Variants in PDZRN4 observed in about 807,000 individuals in gnomAD.
The protein encoded by PDZRN4 is PDZ domain containing ring finger 4, also known as PDZ domain-containing RING finger protein 4.
PDZRN4 carries 70 observed loss-of-function variants against 99.0 expected under a neutral mutation model. That is an observed-to-expected ratio of 0.71 (90% confidence interval 0.58 to 0.86). The LOEUF (loss-of-function observed/expected upper bound fraction) is 0.86, where lower values mean the gene tolerates loss of function less well. Among genes scored for constraint, PDZRN4 ranks in the 40% least tolerant of loss-of-function variants. PDZRN4 has a pLI of 0.00. For synonymous variants in PDZRN4, 551 were observed against 501.6 expected, an observed-to-expected ratio of 1.10 and a Z score of -1.32; for missense variants, 1,474 against 1,331.2, an observed-to-expected ratio of 1.11 and a Z score of -1.67.
At chr12:41,433,935 C>T (rs1458891471) in intron 3 of PDZRN4, among the ~76,000 whole-genome samples, 3 of 151,958 alleles carry the variant, frequency 2.0e-5, no homozygotes, top group Non-Finnish European at 4.4e-5. Flanking sequence ...GTAATGTGAC[C>T]ACCTAGGAAA....
chr12:41,509,090 T>C (rs1342152055), intron 4 of PDZRN4, among the ~76,000 whole-genome samples: 1 of 152,160 alleles, frequency 6.6e-6, no homozygotes, highest in African/African-American at 2.4e-5. Context: ...TTCCTAAAAG[T>C]TGAAATACAT....
chr12:41,242,282 GTTGA>G (rs1951106284), intron 3 of PDZRN4, among the ~76,000 whole-genome samples: 1 of 152,174 alleles, frequency 6.6e-6, no homozygotes. Context: ...TTCCAAAACA[GTTGA>G]TTGATATGCT....
chr12:41,549,316 A>G (rs1419414080), intron 5 of PDZRN4, among the ~76,000 whole-genome samples: 6 of 152,296 alleles, frequency 3.9e-5, no homozygotes, highest in Non-Finnish European at 7.4e-5. Context: ...GTGTCCTGTG[A>G]AGGGAATACT....
At chr12:41,269,794 G>A (rs1428763465) in intron 3 of PDZRN4, among the ~76,000 whole-genome samples, 2 of 152,136 alleles carry the variant, frequency 1.3e-5, no homozygotes, top group Non-Finnish European at 2.9e-5. Context: ...AAGATGGAAA[G>A]TTTAAGGATG....
chr12:41,216,595 A>G (rs1950922495), intron 3 of PDZRN4, among the ~76,000 whole-genome samples: 1 of 152,058 alleles, frequency 6.6e-6, no homozygotes, highest in Admixed American at 6.6e-5. Flanking sequence ...TCAGATCTGA[A>G]AGCCTGCATA....
intron 3 of PDZRN4, among the ~76,000 whole-genome samples, chr12:41,502,056 C>T (rs1938119830): frequency 6.6e-6 from 1 of 152,104 alleles, no homozygotes; most frequent in East Asian, 1.9e-4. Flanking sequence ...CTCTCATTGG[C>T]ATCATCCTTT....
intron 3 of PDZRN4, among the ~76,000 whole-genome samples, chr12:41,348,450 G>A (rs1459207679): frequency 6.6e-6 from 1 of 152,052 alleles, no homozygotes; most frequent in East Asian, 1.9e-4. Context: ...TAAGGCAGTG[G>A]CACCAAACTG....
chr12:41,426,497 A>G (rs1952537882), intron 3 of PDZRN4, among the ~76,000 whole-genome samples: 1 of 152,216 alleles, frequency 6.6e-6, no homozygotes, highest in Admixed American at 6.5e-5. Context: ...TGGGAAGAGT[A>G]TATCTTATTG....
At chr12:41,275,390 A>C (rs1255384455) in intron 3 of PDZRN4, among the ~76,000 whole-genome samples, 2 of 152,122 alleles carry the variant, frequency 1.3e-5, no homozygotes, top group Non-Finnish European at 2.9e-5. Flanking sequence ...TGTAAGTCCC[A>C]ATATTTTATA....
intron 3 of PDZRN4, among the ~76,000 whole-genome samples, chr12:41,320,560 A>G (rs1338218666): frequency 6.6e-6 from 1 of 152,178 alleles, no homozygotes; most frequent in Non-Finnish European, 1.5e-5. Context: ...CAGTGGACCT[A>G]TAACTGAATG....
At chr12:41,385,249 A>G (rs1952160930) in intron 3 of PDZRN4, among the ~76,000 whole-genome samples, 1 of 152,212 alleles carries the variant, frequency 6.6e-6, no homozygotes, top group Non-Finnish European at 1.5e-5. Context: ...GGAAGATCAG[A>G]AAAACAAGGC....
chr12:41,502,244 G>A (rs773805938), intron 3 of PDZRN4, among the ~76,000 whole-genome samples: 1 of 152,098 alleles, frequency 6.6e-6, no homozygotes, highest in South Asian at 2.1e-4. Flanking sequence ...TACACTAGTT[G>A]CCCGGTTACA....
chr12:41,232,606 CT>C (rs1038432215), intron 3 of PDZRN4, among the ~76,000 whole-genome samples: 1 of 150,322 alleles, frequency 6.7e-6, no homozygotes, highest in Non-Finnish European at 1.5e-5. Flanking sequence ...CAAAAATTTT[CT>C]CCCATTCTGT....
At chr12:41,244,836 C>T (rs1951124159) in intron 3 of PDZRN4, among the ~76,000 whole-genome samples, 1 of 143,648 alleles carries the variant, frequency 7.0e-6, no homozygotes, top group Admixed American at 7.1e-5. Context: ...AGGCGCCCGC[C>T]ACCGCGCCCG....
intron 3 of PDZRN4, among the ~76,000 whole-genome samples, chr12:41,475,350 A>C (rs996230797): frequency 6.6e-6 from 1 of 152,188 alleles, no homozygotes; most frequent in Non-Finnish European, 1.5e-5. Flanking sequence ...TGAAATTTGC[A>C]GCCTGTAAAA....
chr12:41,487,099 T>C (rs1033418683), intron 3 of PDZRN4, among the ~76,000 whole-genome samples: 2 of 152,172 alleles, frequency 1.3e-5, no homozygotes, highest in Non-Finnish European at 2.9e-5. Flanking sequence ...TAATCAACTT[T>C]CCATATGATT....
chr12:41,247,901 A>C (rs1951143566), intron 3 of PDZRN4, among the ~76,000 whole-genome samples: 1 of 152,226 alleles, frequency 6.6e-6, no homozygotes, highest in Non-Finnish European at 1.5e-5. Context: ...TGGGACATGC[A>C]TACAATTATC....
At chr12:41,197,873 A>C (rs1206911676) in intron 3 of PDZRN4, among the ~76,000 whole-genome samples, 1 of 117,220 alleles carries the variant, frequency 8.5e-6, no homozygotes, top group African/African-American at 3.2e-5. Context: ...CGATTCCTCT[A>C]TTCTTTCTTT....
chr12:41,405,319 A>G (rs975265837), intron 3 of PDZRN4, among the ~76,000 whole-genome samples: 2 of 152,188 alleles, frequency 1.3e-5, no homozygotes, highest in Admixed American at 6.6e-5. Flanking sequence ...AAGAAGACAT[A>G]CAAACAGCCA....
Sources: allele counts gnomAD v4.1 joint callset (sites outside exome capture counted in the v4.1 genomes callset), GRCh38; gene constraint gnomAD v4.1.1; transcripts MANE v1.5; gene names NCBI Gene and HGNC (gene_info 2026-07-23, HGNC 2026-07-21).